ALG5: variants seen among roughly 807,000 people sequenced by gnomAD.
The protein encoded by ALG5 is dolichyl-phosphate beta-glucosyltransferase.
Under a neutral mutation model 51.8 loss-of-function variants are expected in ALG5, and 26 were observed. The ratio of observed to expected loss-of-function variants is 0.50; its 90% CI spans 0.37 to 0.70. The LOEUF (loss-of-function observed/expected upper bound fraction) is 0.70, where lower values mean the gene tolerates loss of function less well. Among genes scored for constraint, ALG5 ranks in the 30% least tolerant of loss-of-function variants. ALG5 has a pLI of 0.00. For synonymous variants in ALG5, 141 were observed against 136.1 expected (o/e 1.04, Z -0.25); for missense variants, 311 against 399.3 (o/e 0.78, Z 1.88).
At chr13:36,977,911 G>T (rs1175180505) in intron 6 of ALG5, among the ~76,000 whole-genome samples, 3 of 141,218 alleles carry the variant, frequency 2.1e-5, no homozygotes, top group Admixed American at 7.2e-5. Flanking sequence ...TTTTTTAATG[G>T]AATCTCACTC....
chr13:36,985,540 A>C (rs143453560), intron 6 of ALG5, 87 bp downstream of exon 6: 6 of 1,053,724 alleles, frequency 5.7e-6, no homozygotes, highest in Non-Finnish European at 8.4e-6. Flanking sequence ...TCAGTTTTTA[A>C]ACTGATAGGT....
chr13:36,972,534 C>G (rs2058929185), intron 6 of ALG5, among the ~76,000 whole-genome samples: 3 of 151,494 alleles, frequency 2.0e-5, no homozygotes, highest in Middle Eastern at 7.1e-3. Flanking sequence ...TTTATAACAC[C>G]AATAAAAATG....
chr13:36,995,710 GGTTTTA>G (rs2059046492), intron 1 of ALG5, 114 bp from the exon 2 acceptor site: 1 of 1,014,644 alleles, frequency 9.9e-7, no homozygotes, highest in East Asian at 2.6e-5. Context: ...CTCACTCTCA[GGTTTTA>G]GTTCATTAAC....
intron 7 of ALG5, among the ~76,000 whole-genome samples, chr13:36,969,090 T>C (rs960040856): frequency 4.6e-5 from 7 of 152,224 alleles, no homozygotes; most frequent in South Asian, 2.1e-4. Context: ...ATTATAAATA[T>C]GTGGTTCCTG....
At chr13:36,976,750 G>GAA (rs11381832) in intron 6 of ALG5, among the ~76,000 whole-genome samples, 67 of 149,462 alleles carry the variant, frequency 4.5e-4, no homozygotes, top group African/African-American at 4.4e-4. Flanking sequence ...TCTGTCTCAG[G>GAA]AAAAAAAAAA....
At chr13:36,952,858 A>G (rs886359764) in intron 8 of ALG5, 4 of 237,082 alleles carry the variant, frequency 1.7e-5, no homozygotes, top group Non-Finnish European at 2.4e-5. Context: ...AACTAGCCTC[A>G]TGGGTTCCAA....
intron 1 of ALG5, among the ~76,000 whole-genome samples, chr13:36,996,566 T>C (rs554357802): frequency 1.3e-5 from 2 of 150,748 alleles, no homozygotes; most frequent in East Asian, 3.9e-4. Flanking sequence ...TCCTCCCACT[T>C]CCCCCCTGCC....
rs1044520986 is a variant in ALG5, at chr13:36,973,559, C to CA, written c.562-1524dup. 3.3e-5 allele frequency among the ~76,000 whole-genome samples: 5 copies of CA among 151,902 alleles called. No homozygotes were observed. The East Asian group carries it at 7.7e-4, about 24-fold the overall frequency. Reference sequence around the variant, plus strand: ...AATAATCTGAAGGAAGGTACAAGTACAAAAAACCAGAAGACTGATCCATTT... The same window carrying CA: ...AATAATCTGAAGGAAGGTACAAGTACAAAAAAACCAGAAGACTGATCCATTT... On this transcript the variant is annotated intron_variant, in intron 6 of 9. Transcript: ENST00000239891.
intron 8 of ALG5, among the ~76,000 whole-genome samples, chr13:36,954,033 G>C (rs1156886961): frequency 6.6e-6 from 1 of 150,426 alleles, no homozygotes; most frequent in Non-Finnish European, 1.5e-5. Flanking sequence ...GTAAAAAAGA[G>C]TGGGGTGGTT....
At chr13:36,965,833 G>T in intron 7 of ALG5, 107 bp from the exon 8 acceptor site, 1 of 926,528 alleles carries the variant, frequency 1.1e-6, no homozygotes, top group Non-Finnish European at 1.6e-6. Context: ...TTGACTGGTA[G>T]ATCTTACATA....
At chr13:36,966,620 C>T (rs1191762377) in intron 7 of ALG5, among the ~76,000 whole-genome samples, 1 of 152,206 alleles carries the variant, frequency 6.6e-6, no homozygotes, top group Non-Finnish European at 1.5e-5. Context: ...AGTGATCCTT[C>T]TGCCTCAACC....
At chr13:36,965,330 A>G (rs2058888172) in intron 8 of ALG5, among the ~76,000 whole-genome samples, 1 of 152,208 alleles carries the variant, frequency 6.6e-6, no homozygotes. Context: ...TTTTCAGGCC[A>G]CTCAATTTCT....
intron 4 of ALG5, 94 bp downstream of exon 4, chr13:36,993,510 T>C: frequency 9.5e-7 from 1 of 1,047,138 alleles, no homozygotes; most frequent in Non-Finnish European, 1.5e-6. Flanking sequence ...GGCACAGCTT[T>C]AGGGTCCCCT....
At chr13:36,976,031 T>C (rs917076801) in intron 6 of ALG5, among the ~76,000 whole-genome samples, 15 of 151,964 alleles carry the variant, frequency 9.9e-5, no homozygotes, top group African/African-American at 1.2e-4. Context: ...TGGTATGATA[T>C]TGACTATTAA....
intron 8 of ALG5, among the ~76,000 whole-genome samples, chr13:36,963,189 G>A (rs2058876093): frequency 6.6e-6 from 1 of 152,074 alleles, no homozygotes; most frequent in African/African-American, 2.4e-5. Flanking sequence ...GGCCTCAAGT[G>A]ATCCTCCCCA....
intron 5 of ALG5, among the ~76,000 whole-genome samples, chr13:36,988,769 G>A (rs182641508): frequency 7.9e-4 from 120 of 152,308 alleles, no homozygotes; most frequent in Non-Finnish European, 1.4e-3. Context: ...GAGTCACCCT[G>A]TGTGCATGAG....
chr13:36,970,089 C>T (rs9315458), intron 7 of ALG5, among the ~76,000 whole-genome samples: 135,256 of 149,266 alleles, frequency 0.91, 61,457 homozygotes, highest in East Asian at 1. Context: ...ATTATACACA[C>T]ATATATATAA....
intron 8 of ALG5, among the ~76,000 whole-genome samples, chr13:36,964,881 T>C (rs1048396748): frequency 6.8e-6 from 1 of 147,952 alleles, no homozygotes; most frequent in Non-Finnish European, 1.5e-5. Flanking sequence ...GCTGAAATCC[T>C]GCCATTGTAC....
At chr13:36,991,005 C>T (rs866728477) in intron 4 of ALG5, among the ~76,000 whole-genome samples, 16 of 152,200 alleles carry the variant, frequency 1.1e-4, no homozygotes, top group African/African-American at 3.6e-4. Context: ...TGTTCAAACA[C>T]CCTCAGTGAT....
Sources: gnomAD v4.1 joint callset for allele counts (sites outside exome capture counted in the v4.1 genomes callset) on GRCh38, gnomAD v4.1.1 for gene constraint, MANE v1.5 for transcripts, NCBI Gene and HGNC (gene_info 2026-07-23, HGNC 2026-07-21) for gene names.